Variants in DMRTA1 observed in about 807,000 individuals in gnomAD.
DMRTA1 encodes doublesex- and mab-3-related transcription factor A1.
A neutral mutation model predicts 35.2 loss-of-function variants in DMRTA1; 34 were observed. The observed-to-expected ratio is 0.97, with a 90% confidence interval of 0.74 to 1.29. The LOEUF (loss-of-function observed/expected upper bound fraction) is 1.29, where lower values mean the gene tolerates loss of function less well. Among genes scored for constraint, DMRTA1 ranks in the 50% most tolerant of loss-of-function variants. DMRTA1 has a pLI of 0.00. For missense variants in DMRTA1, 824 were observed against 644.6 expected (o/e 1.28, Z -3.01); for synonymous variants, 344 against 276.6 (o/e 1.24, Z -2.42).
At chr9:22,447,974 C>A (rs183449913) in intron 1 of DMRTA1, among the ~76,000 whole-genome samples, 3 of 152,230 alleles carry the variant, frequency 2.0e-5, no homozygotes, top group African/African-American at 7.2e-5. Flanking sequence ...AAAAATGAAG[C>A]ATGGGTGGTA....
chr9:22,451,926 C>G lies in DMRTA1; in HGVS notation c.*15C>G. On this transcript the variant is annotated 3_prime_UTR_variant, in exon 2 of 2. Transcript: ENST00000325870. ...ACAATCCGTAATGTATATGCCCATTCTCTCTTTCTGGAGTTTTTCCAGCAT... is the reference window on the plus strand; with the variant it reads ...ACAATCCGTAATGTATATGCCCATTGTCTCTTTCTGGAGTTTTTCCAGCAT... 2 of 1,611,618 alleles carry G rather than the reference C, an allele frequency of 1.2e-6. No homozygotes were observed. Among genetic ancestry groups the G allele is most frequent in the Non-Finnish European group, 1.7e-6 (2 of 1,178,338 alleles).
At position 22,447,287 on chromosome 9, in the gene DMRTA1, C is replaced by T; in HGVS notation, c.222C>T (p.Cys74=). The change falls in exon 1 of 2, where the codon TGC becomes TGT. Residue 74 remains cysteine, a synonymous_variant. Coordinates refer to ENST00000325870, the MANE Select transcript of DMRTA1 (RefSeq NM_022160.3). ...CCGCCACCTCGGGAAGCGGAGGCTG[C>T]CCGCCGGCTCCCGGGCTGGAGAGCG... ...AAAATSGSGG[C]PPAPGLESGV... is the part of the protein sequence containing the mutation. 2.0e-6 allele frequency: 3 copies of T among 1,504,496 alleles called. No homozygotes were observed. Among genetic ancestry groups the T allele is most frequent in the Non-Finnish European group, 1.8e-6 (2 of 1,132,872 alleles). The allele number at this position is 1,504,496 out of a possible 1,614,324, so 93.2% of individuals were successfully genotyped here.
rs1365873813 is a variant in DMRTA1, at chr9:22,451,804, T to G, written c.1408T>G (p.Leu470Val). The change falls in exon 2 of 2, where the codon TTG becomes GTG. Residue 470 changes from leucine (L) to valine (V), a missense_variant. Physicochemically the swap from Leu to Val is conservative, Grantham distance 32. Coordinates refer to ENST00000325870, the MANE Select transcript of DMRTA1 (RefSeq NM_022160.3). ...LVPTLPFRPA[L>V]DYAFSGMIRD... ...ACCAACCTTACCTTTTCGGCCAGCT[T>G]TGGATTATGCCTTTTCAGGGATGAT... is the stretch of plus-strand genomic sequence containing the variant. The G allele has an allele frequency of 6.2e-7, 1 of 1,614,076 alleles. No homozygotes were observed. The highest frequency in any genetic ancestry group is 1.7e-5 in the Admixed American group (1 of 60,018).
chr9:22,455,184 G>A lies in DMRTA1; in HGVS notation c.*3273G>A, dbSNP rs1352341597. ...AGGTTAGTGTAAGGTATATAGGCAT[G>A]AGTGGGGCTTAAAGAGGATATGGGA... On this transcript the variant is annotated 3_prime_UTR_variant, in exon 2 of 2. Transcript: ENST00000325870. The A allele has an allele frequency of 6.6e-6, 1 of 152,190 alleles. No individual in the cohort carries two copies. The highest frequency in any genetic ancestry group is 2.4e-5 in the African/African-American group (1 of 41,456). The allele number at this position is 152,190 out of a possible 1,614,324, so 9.4% of individuals were successfully genotyped here.
Position 22,453,043 on chromosome 9 carries a change from CTATT to C in DMRTA1, c.*1138_*1141del, listed in dbSNP as rs1006694157. On this transcript the variant is annotated 3_prime_UTR_variant, in exon 2 of 2. Transcript: ENST00000325870. ...GTCCTCCCTCTGGCGCATTTGAAAA[CTATT>C]TATTTCAGTCAGTGGAAAGTCCCTG... is the stretch of plus-strand genomic sequence containing the variant. The C allele has an allele frequency of 7.2e-5, 11 of 152,142 alleles. No homozygotes were observed. Among genetic ancestry groups the C allele is most frequent in the African/African-American group, 2.4e-4 (10 of 41,538 alleles). 9.4% of individuals were successfully genotyped at this position (152,142 alleles called of 1,614,324 possible).
At chr9:22,448,950 A>G (rs948564367) in intron 1 of DMRTA1, among the ~76,000 whole-genome samples, 2 of 152,248 alleles carry the variant, frequency 1.3e-5, no homozygotes, top group Admixed American at 6.5e-5. Context: ...TAAAAGTGCT[A>G]TGAAAGAGAA....
Position 22,451,615 on chromosome 9 carries a change from T to A in DMRTA1, c.1219T>A (p.Ser407Thr), listed in dbSNP as rs1818929749. The A allele has an allele frequency of 3.1e-6, 5 of 1,614,120 alleles. No homozygotes were observed. The highest frequency in any genetic ancestry group is 4.2e-6 in the Non-Finnish European group (5 of 1,179,956). The change falls in exon 2 of 2, where the codon TCA becomes ACA. Residue 407 changes from serine (S) to threonine (T), a missense_variant. Transcript: ENST00000325870. ...GIGFGTLGNK[S>T]AFSPLQTTSA... Reference sequence around the variant, plus strand: ...TGGTTTTGGAACTCTAGGTAATAAATCAGCTTTCTCTCCTCTTCAAACTAC... The same window carrying A: ...TGGTTTTGGAACTCTAGGTAATAAAACAGCTTTCTCTCCTCTTCAAACTAC...
intron 1 of DMRTA1, among the ~76,000 whole-genome samples, chr9:22,448,601 A>T (rs993401969): frequency 1.3e-5 from 2 of 150,260 alleles, no homozygotes; most frequent in Non-Finnish European, 3.0e-5. Context: ...TATCATTGTG[A>T]TTTTTTTTTT....
At position 22,447,178 on chromosome 9, in the gene DMRTA1, C is replaced by T. The variant is rs777563284; in HGVS notation, c.113C>T (p.Pro38Leu). 6.9e-6 allele frequency: 11 copies of T among 1,601,192 alleles called. No individual in the cohort carries two copies. In the South Asian group the frequency reaches 8.9e-5, roughly 13 times the overall value. The change falls in exon 1 of 2, where the codon CCA becomes CTA. Residue 38 changes from proline (P) to leucine (L), a missense_variant. Coordinates refer to ENST00000325870, the MANE Select transcript of DMRTA1 (RefSeq NM_022160.3). ...PPPPSPALPVPSGMQVPPAFL... is the reference protein window; with the variant it reads ...PPPPSPALPVLSGMQVPPAFL... The stretch of plus-strand genomic sequence containing the variant: ...CCCCCGTCCCCGGCGTTGCCGGTAC[C>T]ATCGGGGATGCAGGTTCCCCCAGCG...
Position 22,454,835 on chromosome 9 carries a change from A to G in DMRTA1, c.*2924A>G, listed in dbSNP as rs1423224816. ...AAGAGTGTAGTGGCTGCCTCGTATG[A>G]TAAAGCATCTGGAACTCATTGAAAA... On this transcript the variant is annotated 3_prime_UTR_variant, in exon 2 of 2. Transcript: ENST00000325870. 6.6e-6 allele frequency: 1 copy of G among 152,270 alleles called. No homozygotes were observed. Among genetic ancestry groups the G allele is most frequent in the African/African-American group, 2.4e-5 (1 of 41,552 alleles). The allele number at this position is 152,270 out of a possible 1,614,324, so 9.4% of individuals were successfully genotyped here.
rs770242789 is a variant in DMRTA1, at chr9:22,454,185, G to GT, written c.*2280dup. 14 of 151,964 alleles carry GT rather than the reference G, an allele frequency of 9.2e-5. No homozygotes were observed. The highest frequency in any genetic ancestry group is 2.1e-4 in the Non-Finnish European group (14 of 67,938). 9.4% of individuals were successfully genotyped at this position (151,964 alleles called of 1,614,324 possible). A position where few individuals can be genotyped will look rare whatever the true frequency, so the allele number is the denominator to read the frequency against. Reference sequence around the variant, plus strand: ...GAGGAAATTGGGGCTCAGCAGTAGGGTTTTTTCTCCCTAAGGTTAGTAATA... The same window carrying GT: ...GAGGAAATTGGGGCTCAGCAGTAGGGTTTTTTTCTCCCTAAGGTTAGTAATA... On this transcript the variant is annotated 3_prime_UTR_variant, in exon 2 of 2. Transcript: ENST00000325870.
rs1044547808 is a variant in DMRTA1, at chr9:22,454,993, T to G, written c.*3082T>G. 7.2e-5 allele frequency: 11 copies of G among 152,198 alleles called. 1 individual carries two copies. The highest frequency in any genetic ancestry group is 2.9e-5 in the Non-Finnish European group (2 of 68,026). 9.4% of individuals were successfully genotyped at this position (152,198 alleles called of 1,614,324 possible). ...TGTTAAATAAATAAGTCATGGAATT[T>G]CAATTCTAAGGCCATGAAAATTAAA... On this transcript the variant is annotated 3_prime_UTR_variant, in exon 2 of 2. Transcript: ENST00000325870.
rs894068783 is a variant in DMRTA1 at position 22,452,596 on chromosome 9, A to G, written c.*685A>G. 6.6e-6 allele frequency: 1 copy of G among 152,218 alleles called. No individual in the cohort carries two copies. Among genetic ancestry groups the G allele is most frequent in the East Asian group, 1.9e-4 (1 of 5,196 alleles). 9.4% of individuals were successfully genotyped at this position (152,218 alleles called of 1,614,324 possible). On this transcript the variant is annotated 3_prime_UTR_variant, in exon 2 of 2. Coordinates refer to ENST00000325870, the MANE Select transcript of DMRTA1 (RefSeq NM_022160.3). ...TCTATGAAGTAAATTTTAGGAAATAAGACTGCGCCATCTCCTGGCCACTAT... is the reference window on the plus strand; with the variant it reads ...TCTATGAAGTAAATTTTAGGAAATAGGACTGCGCCATCTCCTGGCCACTAT...
chr9:22,454,513 A>G lies in DMRTA1; in HGVS notation c.*2602A>G, dbSNP rs1217874230. The stretch of plus-strand genomic sequence containing the variant: ...CTTTGCCTCAAGTTGCTCACGGTCT[A>G]TATTGTGTGTACAAAAACAACCAAT... On this transcript the variant is annotated 3_prime_UTR_variant, in exon 2 of 2. Transcript: ENST00000325870. The G allele has an allele frequency of 6.6e-6, 1 of 152,204 alleles. No homozygotes were observed. The highest frequency in any genetic ancestry group is 1.5e-5 in the Non-Finnish European group (1 of 68,022). The allele number at this position is 152,204 out of a possible 1,614,324, so 9.4% of individuals were successfully genotyped here.
chr9:22,447,197 C>A lies in DMRTA1; in HGVS notation c.132C>A (p.Pro44=). Residue 44 remains proline, a synonymous_variant, in exon 1 of 2, where the codon CCC becomes CCA. Transcript: ENST00000325870. ...ALPVPSGMQV[P]PAFLRPPSLF... is the part of the protein sequence containing the mutation. ...CGGTACCATCGGGGATGCAGGTTCC[C>A]CCAGCGTTCCTGCGGCCGCCCAGCC... 4 of 1,588,158 alleles carry A rather than the reference C, an allele frequency of 2.5e-6. No homozygotes were observed. The South Asian group carries it at 3.4e-5, about 13-fold the overall frequency.
At chr9:22,448,230 A>G (rs1488619795) in intron 1 of DMRTA1, among the ~76,000 whole-genome samples, 1 of 152,048 alleles carries the variant, frequency 6.6e-6, no homozygotes, top group Non-Finnish European at 1.5e-5. Flanking sequence ...CCTGCTCTGG[A>G]CTGTTTTCAG....
intron 1 of DMRTA1, among the ~76,000 whole-genome samples, chr9:22,448,369 GTCTT>G (rs1438863902): frequency 6.6e-6 from 1 of 152,184 alleles, no homozygotes; most frequent in Non-Finnish European, 1.5e-5. Flanking sequence ...CCAAACCATC[GTCTT>G]TCTTTGTTTC....
At chr9:22,451,039 A>ACTTTT in intron 1 of DMRTA1, 25 bp from the exon 2 acceptor site, 2 of 1,578,830 alleles carry the variant, frequency 1.3e-6, no homozygotes, top group Middle Eastern at 1.7e-4. Context: ...CCTGTATTTG[A>ACTTTT]TTTTTTTTTC....
In DMRTA1 at chr9:22,447,208, T is replaced by C; in HGVS notation, c.143T>C (p.Leu48Pro). 4 of 1,579,762 alleles carry C rather than the reference T, an allele frequency of 2.5e-6. No individual in the cohort carries two copies. Among genetic ancestry groups the C allele is most frequent in the Non-Finnish European group, 3.4e-6 (4 of 1,166,714 alleles). Residue 48 changes from leucine (L) to proline (P), a missense_variant, in exon 1 of 2, where the codon CTG becomes CCG. By Grantham distance (98) the Leu-to-Pro change is moderately conservative (BLOSUM62 -3). Coordinates refer to ENST00000325870, the MANE Select transcript of DMRTA1 (RefSeq NM_022160.3). ...PSGMQVPPAF[L>P]RPPSLFLRAA... ...GGGATGCAGGTTCCCCCAGCGTTCC[T>C]GCGGCCGCCCAGCCTCTTTCTGCGA...
Sources: gnomAD v4.1 joint callset for allele counts (sites outside exome capture counted in the v4.1 genomes callset) on GRCh38, gnomAD v4.1.1 for gene constraint, MANE v1.5 for transcripts, NCBI Gene and HGNC (gene_info 2026-07-23, HGNC 2026-07-21) for gene names.